HOOK3: variants seen among roughly 807,000 people sequenced by gnomAD.
HOOK3 encodes the protein protein Hook homolog 3.
In HOOK3, 24 loss-of-function variants were observed where a neutral mutation model predicts 116.3. That is an observed-to-expected ratio of 0.21 (90% CI 0.15 to 0.29). The LOEUF is 0.29. HOOK3 is among the 10% of genes least tolerant of loss of function. The pLI, the probability that HOOK3 is intolerant of heterozygous loss-of-function variation, is 1.00. For synonymous variants in HOOK3, 275 were observed against 283.0 expected, an observed-to-expected ratio of 0.97 and a Z score of 0.28; for missense variants, 632 against 830.2, an observed-to-expected ratio of 0.76 and a Z score of 2.93.
Position 42,943,404 on chromosome 8 carries a change from A to T in HOOK3, c.359A>T (p.Gln120Leu). ...GCAGCAGAGCTTGGAAGGATGCTTC[A>T]GCTCATCTTAGGCTGTGCTGTGAAC... is the stretch of plus-strand genomic sequence containing the variant. ...SDAAELGRML[Q>L]LILGCAVNCE... Residue 120 changes from glutamine to leucine, a missense_variant, in exon 5 of 22, where the codon CAG becomes CTG. Gln to Leu is a moderately radical substitution (Grantham distance 113, BLOSUM62 -2). Transcript: ENST00000307602. 1 of 1,574,556 alleles carries T rather than the reference A, an allele frequency of 6.4e-7. No homozygotes were observed. Among genetic ancestry groups the T allele is most frequent in the Non-Finnish European group, 8.6e-7 (1 of 1,159,778 alleles).
chr8:42,950,708 C>T lies in HOOK3; in HGVS notation c.468+253C>T, dbSNP rs7832937. 3.0e-3 allele frequency among the ~76,000 whole-genome samples: 447 copies of T among 149,228 alleles called. 2 individuals are homozygous for T. Among genetic ancestry groups the T allele is most frequent in the African/African-American group, 0.01 (422 of 40,542 alleles). Reference sequence around the variant, plus strand: ...TTCCTAAATTTTTTTTTTTTTGAGACGGAGTCTCACTCTGTCACCCAGGCT... The same window carrying T: ...TTCCTAAATTTTTTTTTTTTTGAGATGGAGTCTCACTCTGTCACCCAGGCT... On this transcript the variant is annotated intron_variant, in intron 6 of 21. Transcript: ENST00000307602.
chr8:42,939,377 C>G (rs62515921), intron 4 of HOOK3, among the ~76,000 whole-genome samples: 1 of 146,206 alleles, frequency 6.8e-6, no homozygotes, highest in Non-Finnish European at 1.5e-5. Context: ...CTGGACGGGG[C>G]GGCTGGCCGG....
intron 4 of HOOK3, among the ~76,000 whole-genome samples, chr8:42,942,347 C>G (rs892115772): frequency 4.6e-5 from 7 of 152,220 alleles, no homozygotes; most frequent in Non-Finnish European, 7.3e-5. Context: ...TTCAGAAAAG[C>G]ATACCATATG....
intron 13 of HOOK3, among the ~76,000 whole-genome samples, 181 bp downstream of exon 13, chr8:42,974,375 G>C (rs902779977): frequency 3.3e-5 from 5 of 152,038 alleles, no homozygotes; most frequent in Non-Finnish European, 1.5e-5. Flanking sequence ...CAAGTAGTTG[G>C]GATTACAGCC....
Position 42,896,998 on chromosome 8 carries a change from G to T in HOOK3, c.-134G>T. 1 of 547,350 alleles carries T rather than the reference G, an allele frequency of 1.8e-6. No individual in the cohort carries two copies. Among genetic ancestry groups the T allele is most frequent in the Non-Finnish European group, 2.8e-6 (1 of 362,884 alleles). The allele number at this position is 547,350 out of a possible 1,614,324, so 33.9% of individuals were successfully genotyped here. A position where few individuals can be genotyped will look rare whatever the true frequency, so the allele number is the denominator to read the frequency against. On this transcript the variant is annotated 5_prime_UTR_variant, in exon 1 of 22. Transcript: ENST00000307602. The stretch of plus-strand genomic sequence containing the variant: ...GGTGCGGAGCCGCTGCCAGCGCTGG[G>T]CGAGAGTCGGCGGCCGGATCCGAGG...
intron 4 of HOOK3, among the ~76,000 whole-genome samples, chr8:42,934,299 T>G (rs1173913436): frequency 6.6e-6 from 1 of 152,176 alleles, no homozygotes; most frequent in Non-Finnish European, 1.5e-5. Context: ...GCTTTATGTT[T>G]TCTGAATGTA....
intron 11 of HOOK3, among the ~76,000 whole-genome samples, chr8:42,970,782 C>CTTTT (rs764513803): frequency 3.9e-4 from 37 of 93,846 alleles, no homozygotes; most frequent in Non-Finnish European, 5.0e-4. Context: ...GAATTTGGGT[C>CTTTT]TTTTTTTTTT....
intron 11 of HOOK3, among the ~76,000 whole-genome samples, chr8:42,969,212 C>CT (rs1226344990): frequency 6.6e-6 from 1 of 152,140 alleles, no homozygotes; most frequent in Non-Finnish European, 1.5e-5. Flanking sequence ...GACTTTCTGT[C>CT]TAAGAGTATC....
At chr8:42,940,442 G>C (rs1808089690) in intron 4 of HOOK3, among the ~76,000 whole-genome samples, 1 of 152,252 alleles carries the variant, frequency 6.6e-6, no homozygotes, top group Non-Finnish European at 1.5e-5. Context: ...GTACAGTCCA[G>C]CCTCGGCTCG....
chr8:42,944,184 G>A (rs970679462), intron 5 of HOOK3, among the ~76,000 whole-genome samples: 2 of 152,070 alleles, frequency 1.3e-5, no homozygotes, highest in Non-Finnish European at 2.9e-5. Context: ...GGAGGCCACG[G>A]TGGGCGGATC....
intron 18 of HOOK3, among the ~76,000 whole-genome samples, chr8:43,008,858 A>G (rs1809547665): frequency 6.7e-6 from 1 of 149,184 alleles, no homozygotes; most frequent in Non-Finnish European, 1.5e-5. Context: ...ACGGGGTTTC[A>G]CCGTTTTAGC....
chr8:42,923,215 A>G (rs1274835837), intron 2 of HOOK3, among the ~76,000 whole-genome samples: 3 of 152,234 alleles, frequency 2.0e-5, no homozygotes, highest in Non-Finnish European at 4.4e-5. Flanking sequence ...AATAACGAGT[A>G]TTGGCAAGGC....
At position 43,024,721 on chromosome 8, in the gene HOOK3, C is replaced by G. The variant is rs1032893762; in HGVS notation, c.*6223C>G. ...CCTTTTGTTGAAAATGTTTTATTGT[C>G]CAGTTTTAACACAGAAGTGGTCTAA... On this transcript the variant is annotated 3_prime_UTR_variant, in exon 22 of 22. Coordinates refer to ENST00000307602, the MANE Select transcript of HOOK3 (RefSeq NM_032410.4). 3 of 193,978 alleles carry G rather than the reference C, an allele frequency of 1.5e-5. No homozygotes were observed. The highest frequency in any genetic ancestry group is 7.0e-5 in the African/African-American group (3 of 43,114). The allele number at this position is 193,978 out of a possible 1,614,324, so 12.0% of individuals were successfully genotyped here. A position where few individuals can be genotyped will look rare whatever the true frequency, so the allele number is the denominator to read the frequency against.
rs181670514 is a variant in HOOK3, at chr8:43,012,956, A to G, written c.1840-95A>G. On this transcript the variant is annotated intron_variant, in intron 19 of 21. Coordinates refer to ENST00000307602, the MANE Select transcript of HOOK3 (RefSeq NM_032410.4). The stretch of plus-strand genomic sequence containing the variant: ...ATAACCTTTGATTTTTCATAAGTTT[A>G]TCCTTTTATTTTAAAAAAATAGTCA... 9 of 787,844 alleles carry G rather than the reference A, an allele frequency of 1.1e-5. No individual in the cohort carries two copies. The Admixed American group carries it at 2.3e-4, about 20-fold the overall frequency. The allele number at this position is 787,844 out of a possible 1,614,324, so 48.8% of individuals were successfully genotyped here.
chr8:42,949,261 G>A (rs1018896878), intron 5 of HOOK3: 2 of 152,174 alleles, frequency 1.3e-5, no homozygotes, highest in Non-Finnish European at 2.9e-5. Flanking sequence ...GCAAAGGCAA[G>A]AAATTGTTTT....
chr8:42,997,989 G>A (rs760290301), intron 16 of HOOK3: 108 of 242,878 alleles, frequency 4.4e-4, no homozygotes, highest in Non-Finnish European at 7.2e-4. Context: ...GAGTGTTCAA[G>A]TAGAAATTTT....
chr8:42,959,140 G>A (rs906884582), intron 7 of HOOK3, 91 bp from the exon 8 acceptor site: 4 of 766,198 alleles, frequency 5.2e-6, no homozygotes, highest in Non-Finnish European at 8.7e-6. Context: ...AGGAAAGACA[G>A]GGGGGAGATG....
At chr8:42,923,749 G>T (rs187861324) in intron 2 of HOOK3, among the ~76,000 whole-genome samples, 1 of 152,170 alleles carries the variant, frequency 6.6e-6, no homozygotes, top group Non-Finnish European at 1.5e-5. Context: ...GGTGATAGTT[G>T]TACCACTCTG....
chr8:42,946,337 A>G (rs924317232), intron 5 of HOOK3, among the ~76,000 whole-genome samples: 7 of 152,228 alleles, frequency 4.6e-5, no homozygotes, highest in African/African-American at 2.4e-5. Context: ...GTTAAGAGTA[A>G]TGTAAATAGT....
Sources: gnomAD v4.1 joint callset for allele counts (sites outside exome capture counted in the v4.1 genomes callset) on GRCh38, gnomAD v4.1.1 for gene constraint, MANE v1.5 for transcripts, NCBI Gene and HGNC (gene_info 2026-07-23, HGNC 2026-07-21) for gene names.